PGAP6: variants seen among roughly 807,000 people sequenced by gnomAD.
PGAP6 encodes the protein post-GPI attachment to proteins 6.
In PGAP6, 62 loss-of-function variants were observed where a neutral mutation model predicts 68.4. That is an observed-to-expected ratio of 0.91 (90% confidence interval 0.74 to 1.12). The LOEUF (loss-of-function observed/expected upper bound fraction) is 1.12, where lower values mean the gene tolerates loss of function less well. Ranked by LOEUF, PGAP6 falls within the 50% of genes most tolerant of loss-of-function variation. The pLI is 0.00. For synonymous variants in PGAP6, 575 were observed against 474.0 expected (o/e 1.21, Z -2.77); for missense variants, 1,188 against 1,068.5 (o/e 1.11, Z -1.56).
upstream of PGAP6, chr16:382,130 G>C (rs1046549607): frequency 6.7e-5 from 25 of 374,150 alleles, no homozygotes; most frequent in Admixed American, 2.3e-4. Flanking sequence ...GGGACGGACC[G>C]GGGCGCGCGC....
chr16:383,056 C>T (rs1420223491), upstream of PGAP6, among the ~76,000 whole-genome samples: 1 of 152,196 alleles, frequency 6.6e-6, no homozygotes, highest in Non-Finnish European at 1.5e-5. Context: ...GCGGAGGTTG[C>T]AGTGAGCCGA....
chr16:379,545 G>A (rs969164859), intron 1 of PGAP6, among the ~76,000 whole-genome samples: 2 of 152,226 alleles, frequency 1.3e-5, no homozygotes, highest in Non-Finnish European at 2.9e-5. Flanking sequence ...CCAGGACCAC[G>A]GTGTCCCGGA....
At chr16:379,544 C>T (rs573210944) in intron 1 of PGAP6, among the ~76,000 whole-genome samples, 58 of 152,366 alleles carry the variant, frequency 3.8e-4, no homozygotes, top group African/African-American at 1.3e-3. Flanking sequence ...CCCAGGACCA[C>T]GGTGTCCCGG....
In PGAP6 at chr16:376,753, T is replaced by C. The variant is rs142578232; in HGVS notation, c.695A>G (p.Asn232Ser). ...ACGCACGGGGCAGCCCAGGCTCCCA[T>C]TGGACACGCAGTCCCGCAGCTCCAG... ...LLLELRDCVSNGSLGCPVRLT... is the reference protein window; with the variant it reads ...LLLELRDCVSSGSLGCPVRLT... The change falls in exon 5 of 13, where the codon AAT (asparagine) becomes AGT (serine). Residue 232 changes from asparagine to serine, a missense_variant. Physicochemically the swap from Asn to Ser is conservative, Grantham distance 46. Coordinates refer to ENST00000431232, the MANE Select transcript of PGAP6 (RefSeq NM_021259.3). The C allele has an allele frequency of 1.2e-5, 19 of 1,611,184 alleles. No individual in the cohort carries two copies. Among genetic ancestry groups the C allele is most frequent in the South Asian group, 3.3e-5 (3 of 91,042 alleles).
At position 376,360 on chromosome 16, in the gene PGAP6, C is replaced by T. The variant is rs780121427; in HGVS notation, c.1000G>A (p.Asp334Asn). 170 of 1,611,818 alleles carry T rather than the reference C, an allele frequency of 1.1e-4. No homozygotes were observed. Among genetic ancestry groups the T allele is most frequent in the Non-Finnish European group, 1.4e-4 (163 of 1,179,490 alleles). ...CCACTCCTGCCCAGGTCCTGGTGGTCGGGGCTCGGGGACAGCAGACCAGAG... is the reference window on the plus strand; with the variant it reads ...CCACTCCTGCCCAGGTCCTGGTGGTTGGGGCTCGGGGACAGCAGACCAGAG... ...ASSGLLSPSPDHQDLGRSGRV... is the reference protein window; with the variant it reads ...ASSGLLSPSPNHQDLGRSGRV... Residue 334 changes from aspartate to asparagine, a missense_variant, in exon 6 of 13, where the codon GAC becomes AAC. Asp to Asn is a conservative substitution (Grantham distance 23). Transcript: ENST00000431232.
Position 376,191 on chromosome 16 carries a change from A to G in PGAP6, c.1169T>C (p.Leu390Pro). Residue 390 changes from leucine to proline, a missense_variant, in exon 6 of 13, where the codon CTG becomes CCG. By Grantham distance (98) the Leu-to-Pro change is moderately conservative. Coordinates refer to ENST00000431232, the MANE Select transcript of PGAP6 (RefSeq NM_021259.3). ...ACCCCCGCTGTCCATGCCGGTGTTC[A>G]GGCGCAGCCGCATCACGGAGGGCGT... ...SDTPSVMRLR[L>P]NTGMDSGGSL... The G allele has an allele frequency of 6.2e-7, 1 of 1,612,404 alleles. No homozygotes were observed. The highest frequency in any genetic ancestry group is 1.7e-5 in the Admixed American group (1 of 60,000).
rs2054410775 is a variant in PGAP6, at chr16:378,441, C to CACTGCCATCGCCACCCTG, written c.122-594_122-593insCAGGGTGGCGATGGCAGT. Among the ~76,000 whole-genome samples, 2 of 111,272 alleles carry CACTGCCATCGCCACCCTG rather than the reference C, an allele frequency of 1.8e-5. 1 individual carries two copies. The highest frequency in any genetic ancestry group is 3.8e-5 in the Non-Finnish European group (2 of 52,954). The allele number at this position is 111,272 out of a possible 152,430, so 73.0% of individuals were successfully genotyped here. On this transcript the variant is annotated intron_variant, in intron 1 of 12. Transcript: ENST00000431232. ...CCACCCACACTGCCATCCCCACCCG[C>CACTGCCATCGCCACCCTG]ACTGCCATCGCCACCCACACTGCCA...
Position 374,325 on chromosome 16 carries a change from G to A in PGAP6, c.1651C>T (p.Leu551Phe). The A allele has an allele frequency of 6.2e-7, 1 of 1,604,944 alleles. No homozygotes were observed. Among genetic ancestry groups the A allele is most frequent in the Non-Finnish European group, 8.5e-7 (1 of 1,179,694 alleles). Residue 551 changes from leucine (L) to phenylalanine (F), a missense_variant, in exon 10 of 13, where the codon CTC becomes TTC. Transcript: ENST00000431232. ...AGGAACATGAGGTTGCTGAGCGTGA[G>A]CAGCAGTGTGGCCGCCCTCTGCTGG... Reference protein sequence around the residue: ...VAQQRAATLLLTLSNLMFLAP... With the variant: ...VAQQRAATLLFTLSNLMFLAP...
intron 1 of PGAP6, among the ~76,000 whole-genome samples, chr16:378,101 T>C (rs2054402897): frequency 6.6e-6 from 1 of 151,914 alleles, no homozygotes; most frequent in East Asian, 1.9e-4. Context: ...GCCGCCTCAC[T>C]GCAGCAGCTT....
At position 372,620 on chromosome 16, in the gene PGAP6, G is replaced by A; in HGVS notation, c.2010C>T (p.Ala670=). The A allele has an allele frequency of 1.2e-6, 2 of 1,610,850 alleles. No homozygotes were observed. Among genetic ancestry groups the A allele is most frequent in the Middle Eastern group, 1.7e-4 (1 of 6,058 alleles). ...GPCLFAFVIM[A]SMWAYRCGHR... ...CAGCCCGGCTCCTTACCCACATGGA[G>A]GCCATGATCACGAAGGCAAAGAGGC... is the stretch of plus-strand genomic sequence containing the variant. Residue 670 remains alanine, a synonymous_variant, in exon 12 of 13, where the codon GCC becomes GCT. Coordinates refer to ENST00000431232, the MANE Select transcript of PGAP6 (RefSeq NM_021259.3).
Position 377,778 on chromosome 16 carries a change from A to G in PGAP6, c.192T>C (p.Ser64=). Residue 64 remains serine, a synonymous_variant, in exon 2 of 13, where the codon AGT becomes AGC. Coordinates refer to ENST00000431232, the MANE Select transcript of PGAP6 (RefSeq NM_021259.3). ...QRLSFYSWYG[S]ARLFRFRVPP... is the part of the protein sequence containing the mutation. ...GCACGCGGAAGCGGAAGAGCCTGGC[A>G]CTGCCGTACCAGCTGTAGAAGGACA... is the stretch of plus-strand genomic sequence containing the variant. 1 of 1,586,474 alleles carries G rather than the reference A, an allele frequency of 6.3e-7. No individual in the cohort carries two copies. Among genetic ancestry groups the G allele is most frequent in the Non-Finnish European group, 8.6e-7 (1 of 1,167,128 alleles).
upstream of PGAP6, chr16:382,000 G>C (rs1597167424): frequency 1.1e-6 from 1 of 932,044 alleles, no homozygotes; most frequent in Non-Finnish European, 1.3e-6. Flanking sequence ...GCCCCGCCCC[G>C]CAGGCCGAGC....
intron 1 of PGAP6, among the ~76,000 whole-genome samples, chr16:379,965 C>T (rs1457689219): frequency 6.6e-6 from 1 of 152,204 alleles, no homozygotes; most frequent in Non-Finnish European, 1.5e-5. Flanking sequence ...AATGCAAGTC[C>T]CTGGCCCTGT....
chr16:377,050 G>T lies in PGAP6; in HGVS notation c.622C>A (p.Pro208Thr). Residue 208 changes from proline (P) to threonine (T), a missense_variant, in exon 4 of 13, where the codon CCC becomes ACC. Physicochemically the swap from Pro to Thr is conservative, Grantham distance 38. Transcript: ENST00000431232. ...VPLPQTLLSH[P>T]SYLKVFVPDY... Reference sequence around the variant, plus strand: ...GCCCCCGCTCACTTGAGGTAGCTGGGATGGGAGAGGAGGGTCTGAGGAAGG... The same window carrying T: ...GCCCCCGCTCACTTGAGGTAGCTGGTATGGGAGAGGAGGGTCTGAGGAAGG... The T allele has an allele frequency of 6.2e-7, 1 of 1,613,110 alleles. No individual in the cohort carries two copies. Among genetic ancestry groups the T allele is most frequent in the Non-Finnish European group, 8.5e-7 (1 of 1,179,908 alleles).
chr16:375,988 C>T (rs2054378715), intron 6 of PGAP6, 148 bp downstream of exon 6: 6 of 807,108 alleles, frequency 7.4e-6, no homozygotes, highest in Non-Finnish European at 9.3e-6. Flanking sequence ...GCAGGGGAGG[C>T]CCCCCAACAT....
rs1339395988 is a variant in PGAP6, at chr16:377,691, G to A, written c.279C>T (p.Cys93=). The part of the protein sequence containing the change: ...LQVSRESGAA[C]TDAEITVHFR... ...CCTACACGGTGATCTCCGCGTCGGT[G>A]CAGGCAGCGCCGCTCTCCCGGGAGA... is the stretch of plus-strand genomic sequence containing the variant. The change falls in exon 2 of 13, where the codon TGC becomes TGT. Residue 93 remains cysteine, a synonymous_variant. Transcript: ENST00000431232. The A allele has an allele frequency of 6.3e-7, 1 of 1,590,148 alleles. No individual in the cohort carries two copies. The highest frequency in any genetic ancestry group is 8.6e-7 in the Non-Finnish European group (1 of 1,169,424).
chr16:376,273 C>A lies in PGAP6; in HGVS notation c.1087G>T (p.Val363Leu). The A allele has an allele frequency of 6.2e-7, 1 of 1,612,856 alleles. No homozygotes were observed. Among genetic ancestry groups the A allele is most frequent in the Non-Finnish European group, 8.5e-7 (1 of 1,180,002 alleles). Residue 363 changes from valine to leucine, a missense_variant, in exon 6 of 13, where the codon GTG (valine) becomes TTG (leucine). By Grantham distance (32) the Val-to-Leu change is conservative. Transcript: ENST00000431232. ...AGGGGCTGGAAGTGCACCGACACCA[C>A]GTCCATGTCCTCCCGCGTGACTGGG... ...NYPVTREDMD[V>L]VSVHFQPLDR...
At chr16:373,114 C>T (rs2054349529) in intron 11 of PGAP6, among the ~76,000 whole-genome samples, 1 of 152,210 alleles carries the variant, frequency 6.6e-6, no homozygotes, top group Non-Finnish European at 1.5e-5. Flanking sequence ...GCTCCCACCC[C>T]CCAGTCTCCA....
rs748272351 is a variant in PGAP6, at chr16:376,166, AC to A, written c.1193del (p.Gly398ValfsTer20). On this transcript the variant is annotated frameshift_variant, in exon 6 of 13. Coordinates refer to ENST00000431232, the MANE Select transcript of PGAP6 (RefSeq NM_021259.3). LOFTEE classifies it high-confidence loss of function. ...TGGCCCGCAGGGAGATGGTGAGGGA[AC>A]CCCCGCTGTCCATGCCGGTGTTCAG... is the stretch of plus-strand genomic sequence containing the variant. ...LRLNTGMDSG[G>X]SLTISLRANK... 6.2e-6 allele frequency: 10 copies of A among 1,608,142 alleles called. No individual in the cohort carries two copies. In the East Asian group the frequency reaches 2.2e-4, roughly 36 times the overall value.
Sources: gnomAD v4.1 joint callset for allele counts (sites outside exome capture counted in the v4.1 genomes callset) on GRCh38, gnomAD v4.1.1 for gene constraint, MANE v1.5 for transcripts, NCBI Gene and HGNC (gene_info 2026-07-23, HGNC 2026-07-21) for gene names.